Variants in PHLPP2 observed in about 807,000 individuals in gnomAD.
PHLPP2 encodes the protein PH domain leucine-rich repeat-containing protein phosphatase 2.
In PHLPP2, 66 loss-of-function variants were observed where a neutral mutation model predicts 124.9. The ratio of observed to expected loss-of-function variants is 0.53; its 90% CI spans 0.43 to 0.65. The LOEUF (loss-of-function observed/expected upper bound fraction) is 0.65. Among genes scored for constraint, PHLPP2 ranks in the 30% least tolerant of loss-of-function variants. The pLI is 0.00. For synonymous variants in PHLPP2, 681 were observed against 624.7 expected, an observed-to-expected ratio of 1.09 and a Z score of -1.34; for missense variants, 1,685 against 1,600.4, an observed-to-expected ratio of 1.05 and a Z score of -0.90.
At chr16:71,703,807 T>C (rs1376806479) in intron 2 of PHLPP2, among the ~76,000 whole-genome samples, 1 of 152,200 alleles carries the variant, frequency 6.6e-6, no homozygotes, top group Non-Finnish European at 1.5e-5. Flanking sequence ...AGATACTATA[T>C]AGTATGAAAA....
intron 3 of PHLPP2, among the ~76,000 whole-genome samples, chr16:71,691,713 G>A (rs867370433): frequency 3.3e-5 from 5 of 152,066 alleles, no homozygotes; most frequent in Admixed American, 1.3e-4. Flanking sequence ...TTCCGATCAC[G>A]GTGGTGGAAA....
At chr16:71,660,223 T>C (rs1483831285) in intron 13 of PHLPP2, among the ~76,000 whole-genome samples, 5 of 151,734 alleles carry the variant, frequency 3.3e-5, no homozygotes, top group Admixed American at 2.0e-4. Context: ...AATGGTATTA[T>C]AGGCCAGGTA....
intron 10 of PHLPP2, among the ~76,000 whole-genome samples, chr16:71,671,184 C>G (rs1199190033): frequency 6.6e-6 from 1 of 152,054 alleles, no homozygotes; most frequent in Non-Finnish European, 1.5e-5. Flanking sequence ...GGAAGATAAG[C>G]AGGAAGAAAT....
At chr16:71,686,098 T>G (rs1320915448) in intron 4 of PHLPP2, among the ~76,000 whole-genome samples, 2 of 152,204 alleles carry the variant, frequency 1.3e-5, no homozygotes, top group Non-Finnish European at 2.9e-5. Context: ...AGAGCGAGAC[T>G]CTGTCTCAAA....
Position 71,702,584 on chromosome 16 carries a change from T to A in PHLPP2, c.418+14A>T, listed in dbSNP as rs770408781. The A allele has an allele frequency of 1.2e-6, 2 of 1,603,268 alleles. No individual in the cohort carries two copies. Among genetic ancestry groups the A allele is most frequent in the Non-Finnish European group, 1.7e-6 (2 of 1,174,120 alleles). ...AAAAGTAGTTAACATACAAAGCCAC[T>A]GATAAATTCTTACCACCATAAAATC... On this transcript the variant is annotated intron_variant, in intron 3 of 18. Transcript: ENST00000568954.
At chr16:71,681,341 A>G (rs1410425578) in intron 6 of PHLPP2, among the ~76,000 whole-genome samples, 1 of 152,202 alleles carries the variant, frequency 6.6e-6, no homozygotes, top group African/African-American at 2.4e-5. Context: ...AACGCATAAG[A>G]GTTGGCAGTG....
chr16:71,674,978 C>A (rs1488930970), intron 9 of PHLPP2, among the ~76,000 whole-genome samples: 1 of 152,226 alleles, frequency 6.6e-6, no homozygotes, highest in Non-Finnish European at 1.5e-5. Context: ...GCCTGGGCAA[C>A]AGAGCTAGAC....
At chr16:71,651,834 T>G (rs2044698880) in intron 18 of PHLPP2, among the ~76,000 whole-genome samples, 1 of 152,200 alleles carries the variant, frequency 6.6e-6, no homozygotes, top group African/African-American at 2.4e-5. Context: ...AGAGGACACC[T>G]ACATGCAAAA....
chr16:71,666,025 T>C (rs1241700372), intron 12 of PHLPP2: 2 of 152,214 alleles, frequency 1.3e-5, no homozygotes, highest in Non-Finnish European at 2.9e-5. Flanking sequence ...GTTTTCTCCA[T>C]TTCTAAATTG....
chr16:71,651,115 G>A (rs1307640058), intron 18 of PHLPP2, among the ~76,000 whole-genome samples: 2 of 152,126 alleles, frequency 1.3e-5, no homozygotes, highest in East Asian at 1.9e-4. Context: ...CGAGGTGGAC[G>A]GATCACCTGA....
rs774020643 is a variant in PHLPP2 at position 71,678,873 on chromosome 16, G to T, written c.1150C>A (p.Pro384Thr). The change falls in exon 8 of 19, where the codon CCT becomes ACT. Residue 384 changes from proline to threonine, a missense_variant. Physicochemically the swap from Pro to Thr is conservative, Grantham distance 38. Coordinates refer to ENST00000568954, the MANE Select transcript of PHLPP2 (RefSeq NM_015020.3). ...GISFNNFSQI[P>T]EVYEKLTMLD... ...ATAGTGAGTTTCTCATAAACCTCAG[G>T]AATTTGACTAAAGTTGTTGAAGGAA... 1.2e-6 allele frequency: 2 copies of T among 1,611,500 alleles called. No homozygotes were observed. The highest frequency in any genetic ancestry group is 1.7e-6 in the Non-Finnish European group (2 of 1,177,742).
At chr16:71,683,980 C>G (rs556397121) in intron 5 of PHLPP2, among the ~76,000 whole-genome samples, 1 of 151,850 alleles carries the variant, frequency 6.6e-6, no homozygotes, top group African/African-American at 2.4e-5. Flanking sequence ...TTAGTAGAGA[C>G]GGGGTTTCTC....
At chr16:71,680,501 C>A (rs2145338976) in intron 6 of PHLPP2, among the ~76,000 whole-genome samples, 1 of 152,248 alleles carries the variant, frequency 6.6e-6, no homozygotes, top group South Asian at 2.1e-4. Flanking sequence ...AAATGGATCT[C>A]CTGGGTTTCT....
chr16:71,675,778 C>G (rs1045719607), intron 9 of PHLPP2, among the ~76,000 whole-genome samples: 4 of 152,184 alleles, frequency 2.6e-5, no homozygotes, highest in Admixed American at 2.0e-4. Context: ...TGAGAACATG[C>G]AATGGCACGG....
chr16:71,654,148 T>A (rs991470919), intron 17 of PHLPP2, among the ~76,000 whole-genome samples: 1 of 148,816 alleles, frequency 6.7e-6, no homozygotes, highest in African/African-American at 2.5e-5. Context: ...TGAGCCGAGA[T>A]TGCACTACTG....
intron 10 of PHLPP2, among the ~76,000 whole-genome samples, chr16:71,671,734 G>GAA (rs2044894929): frequency 6.6e-6 from 1 of 151,894 alleles, no homozygotes; most frequent in South Asian, 2.1e-4. Flanking sequence ...CTAATGCAGT[G>GAA]AAACCCCATC....
At chr16:71,709,415 T>C (rs1446676931) in intron 2 of PHLPP2, among the ~76,000 whole-genome samples, 1 of 152,146 alleles carries the variant, frequency 6.6e-6, no homozygotes, top group Non-Finnish European at 1.5e-5. Flanking sequence ...TCTTAGTTTC[T>C]CTTCTCATCT....
intron 4 of PHLPP2, among the ~76,000 whole-genome samples, chr16:71,687,938 C>G (rs1008873687): frequency 1.3e-5 from 2 of 152,240 alleles, no homozygotes; most frequent in South Asian, 4.2e-4. Context: ...TAATTACATT[C>G]AGCTACTAAA....
In PHLPP2 at chr16:71,648,475, A is replaced by T. The variant is rs1177936469; in HGVS notation, c.*415T>A. On this transcript the variant is annotated 3_prime_UTR_variant, in exon 19 of 19. Coordinates refer to ENST00000568954, the MANE Select transcript of PHLPP2 (RefSeq NM_015020.3). ...CAACCCCACACAGCTATGGTTTAGAAATGTAGACGCAGGGCTGGGCATGGT... is the reference window on the plus strand; with the variant it reads ...CAACCCCACACAGCTATGGTTTAGATATGTAGACGCAGGGCTGGGCATGGT... The T allele has an allele frequency of 5.4e-6, 1 of 184,242 alleles. No individual in the cohort carries two copies. Among genetic ancestry groups the T allele is most frequent in the East Asian group, 1.3e-4 (1 of 7,890 alleles). The allele number at this position is 184,242 out of a possible 1,614,324, so 11.4% of individuals were successfully genotyped here. A position where few individuals can be genotyped will look rare whatever the true frequency, so the allele number is the denominator to read the frequency against.
Sources: gnomAD v4.1 joint callset for allele counts (sites outside exome capture counted in the v4.1 genomes callset) on GRCh38, gnomAD v4.1.1 for gene constraint, MANE v1.5 for transcripts, NCBI Gene and HGNC (gene_info 2026-07-23, HGNC 2026-07-21) for gene names.